Variants in SLC35A1 observed in about 807,000 individuals in gnomAD.
SLC35A1 encodes the protein CMP-sialic acid transporter.
In SLC35A1, 21 loss-of-function variants were observed where a neutral mutation model predicts 40.3. That is an observed-to-expected ratio of 0.52 (90% CI 0.37 to 0.75). SLC35A1 has a LOEUF of 0.75. SLC35A1 is among the 30% of genes least tolerant of loss of function. SLC35A1 has a pLI of 0.00. For synonymous variants in SLC35A1, 146 were observed against 147.3 expected (o/e 0.99, Z 0.06); for missense variants, 297 against 382.1 (o/e 0.78, Z 1.86).
At position 87,501,394 on chromosome 6, in the gene SLC35A1, C is replaced by A; in HGVS notation, c.507+84C>A. 5 of 1,308,462 alleles carry A rather than the reference C, an allele frequency of 3.8e-6. 1 individual carries two copies. The South Asian group carries it at 6.2e-5, about 16-fold the overall frequency. The allele number at this position is 1,308,462 out of a possible 1,614,324, so 81.1% of individuals were successfully genotyped here. A position where few individuals can be genotyped will look rare whatever the true frequency, so the allele number is the denominator to read the frequency against. On this transcript the variant is annotated intron_variant, in intron 4 of 7. Coordinates refer to ENST00000369552, the MANE Select transcript of SLC35A1 (RefSeq NM_006416.5). ...TACTGTTCAGTTACATTGATGCATG[C>A]AGCATGACTACATTTCTTTGATTTA...
intron 3 of SLC35A1, 114 bp downstream of exon 3, chr6:87,500,781 T>C (rs1433006006): frequency 6.8e-6 from 7 of 1,026,236 alleles, no homozygotes; most frequent in Non-Finnish European, 1.0e-5. Flanking sequence ...GGAGTCTCGC[T>C]CTTTCGTCTA....
rs1582201725 is a variant in SLC35A1, at chr6:87,512,206, T to A, written c.*680T>A. 1 of 152,688 alleles carries A rather than the reference T, an allele frequency of 6.5e-6. No homozygotes were observed. Among genetic ancestry groups the A allele is most frequent in the South Asian group, 2.1e-4 (1 of 4,830 alleles). 9.5% of individuals were successfully genotyped at this position (152,688 alleles called of 1,614,324 possible). Reference sequence around the variant, plus strand: ...GATGATACACATTTCTTCAAAAAAATTTCTAATGTCACTTTTGTACTTTTT... The same window carrying A: ...GATGATACACATTTCTTCAAAAAAAATTCTAATGTCACTTTTGTACTTTTT... On this transcript the variant is annotated 3_prime_UTR_variant, in exon 8 of 8. Coordinates refer to ENST00000369552, the MANE Select transcript of SLC35A1 (RefSeq NM_006416.5).
intron 2 of SLC35A1, among the ~76,000 whole-genome samples, chr6:87,497,855 C>T (rs972996983): frequency 2.0e-5 from 3 of 150,914 alleles, no homozygotes; most frequent in South Asian, 4.2e-4. Flanking sequence ...CAGCCTCCTG[C>T]GTAGCTGGGA....
intron 2 of SLC35A1, among the ~76,000 whole-genome samples, chr6:87,484,847 A>G (rs557008216): frequency 7.6e-4 from 116 of 152,342 alleles, no homozygotes; most frequent in Non-Finnish European, 1.3e-3. Flanking sequence ...TTCTTTGAAG[A>G]GAAATTTAGA....
Position 87,512,131 on chromosome 6 carries a change from A to C in SLC35A1, c.*605A>C. The C allele has an allele frequency of 6.5e-6, 1 of 154,896 alleles. No homozygotes were observed. The highest frequency in any genetic ancestry group is 1.4e-5 in the Non-Finnish European group (1 of 69,452). The allele number at this position is 154,896 out of a possible 1,614,324, so 9.6% of individuals were successfully genotyped here. On this transcript the variant is annotated 3_prime_UTR_variant, in exon 8 of 8. Transcript: ENST00000369552. ...GTACCCCTTTAGTGAGTACCCCTTT[A>C]GTGCTATATTTGTGCCATTCATTAT...
At chr6:87,496,338 CAAGG>C (rs1249708118) in intron 2 of SLC35A1, among the ~76,000 whole-genome samples, 1 of 152,144 alleles carries the variant, frequency 6.6e-6, no homozygotes, top group Non-Finnish European at 1.5e-5. Flanking sequence ...GAAAATTTAA[CAAGG>C]AAGACTATAT....
At chr6:87,497,715 T>C (rs1203212817) in intron 2 of SLC35A1, among the ~76,000 whole-genome samples, 1 of 152,028 alleles carries the variant, frequency 6.6e-6, no homozygotes. Flanking sequence ...AGTGAAGGCT[T>C]CTAATGTCTT....
intron 2 of SLC35A1, among the ~76,000 whole-genome samples, chr6:87,490,262 T>A (rs1361570381): frequency 6.6e-6 from 1 of 151,914 alleles, no homozygotes; most frequent in Non-Finnish European, 1.5e-5. Flanking sequence ...TACTTGAAAA[T>A]TTTAGGATAT....
At chr6:87,506,334 A>G in intron 4 of SLC35A1, 48 bp from the exon 5 acceptor site, 1 of 1,437,614 alleles carries the variant, frequency 7.0e-7, no homozygotes, top group Non-Finnish European at 9.8e-7. Context: ...TCTTGGATGA[A>G]CTCTGTTTAT....
chr6:87,477,634 C>A, intron 2 of SLC35A1, 95 bp downstream of exon 2: 1 of 1,088,702 alleles, frequency 9.2e-7, no homozygotes, highest in Non-Finnish European at 1.4e-6. Context: ...TGTTTAATTG[C>A]TCTGGGTCAG....
intron 2 of SLC35A1, chr6:87,488,697 C>T (rs991569203): frequency 8.5e-5 from 13 of 152,182 alleles, no homozygotes; most frequent in African/African-American, 3.1e-4. Flanking sequence ...GCAATTGTAG[C>T]TCCATGGATT....
intron 2 of SLC35A1, among the ~76,000 whole-genome samples, chr6:87,484,990 A>G (rs1769354102): frequency 6.6e-6 from 1 of 152,238 alleles, no homozygotes; most frequent in Admixed American, 6.5e-5. Flanking sequence ...GTGTTTGCAA[A>G]AAAGTAAAAT....
At position 87,512,229 on chromosome 6, in the gene SLC35A1, T is replaced by C. The variant is rs369808567; in HGVS notation, c.*703T>C. The C allele has an allele frequency of 4.6e-5, 7 of 152,904 alleles. No individual in the cohort carries two copies. In the East Asian group the frequency reaches 7.7e-4, roughly 17 times the overall value. 9.5% of individuals were successfully genotyped at this position (152,904 alleles called of 1,614,324 possible). Reference sequence around the variant, plus strand: ...AATTTCTAATGTCACTTTTGTACTTTTTTAAATAAAGTATGTTTAACTGTT... The same window carrying C: ...AATTTCTAATGTCACTTTTGTACTTCTTTAAATAAAGTATGTTTAACTGTT... On this transcript the variant is annotated 3_prime_UTR_variant, in exon 8 of 8. Coordinates refer to ENST00000369552, the MANE Select transcript of SLC35A1 (RefSeq NM_006416.5).
chr6:87,490,104 C>T (rs1220433073), intron 2 of SLC35A1, among the ~76,000 whole-genome samples: 6 of 151,652 alleles, frequency 4.0e-5, no homozygotes, highest in Non-Finnish European at 7.4e-5. Context: ...TGGTGTGCAC[C>T]TTTAGTCCCA....
At chr6:87,510,722 A>C (rs370285898) in intron 7 of SLC35A1, among the ~76,000 whole-genome samples, 11 of 152,082 alleles carry the variant, frequency 7.2e-5, no homozygotes, top group African/African-American at 2.2e-4. Flanking sequence ...TAAAAATACA[A>C]AATTGGCTGG....
chr6:87,506,713 A>T (rs1388109412), intron 5 of SLC35A1, among the ~76,000 whole-genome samples: 1 of 152,208 alleles, frequency 6.6e-6, no homozygotes, highest in Non-Finnish European at 1.5e-5. Flanking sequence ...CCCAAAAGTA[A>T]ATGAAAAAAG....
At chr6:87,509,393 G>A (rs1312710570) in intron 7 of SLC35A1, among the ~76,000 whole-genome samples, 5 of 152,148 alleles carry the variant, frequency 3.3e-5, no homozygotes, top group Non-Finnish European at 7.4e-5. Flanking sequence ...GTTAAGACGA[G>A]GGGTGCTAGT....
At chr6:87,484,055 G>A (rs1769324449) in intron 2 of SLC35A1, among the ~76,000 whole-genome samples, 1 of 152,202 alleles carries the variant, frequency 6.6e-6, no homozygotes, top group African/African-American at 2.4e-5. Context: ...CACCAAGGAA[G>A]TACTTTACTG....
chr6:87,500,697 C>T (rs375036980), intron 3 of SLC35A1, 30 bp downstream of exon 3: 18 of 1,607,480 alleles, frequency 1.1e-5, no homozygotes, highest in Admixed American at 1.7e-5. Flanking sequence ...ATGAAAAGCA[C>T]AGAATCTTTT....
Sources: gnomAD v4.1 joint callset for allele counts (sites outside exome capture counted in the v4.1 genomes callset) on GRCh38, gnomAD v4.1.1 for gene constraint, MANE v1.5 for transcripts, NCBI Gene and HGNC (gene_info 2026-07-23, HGNC 2026-07-21) for gene names.